Variants in TEAD1 observed in about 807,000 individuals in gnomAD.
TEAD1 encodes TEA domain transcription factor 1, also known as transcriptional enhancer factor TEF-1.
A neutral mutation model predicts 54.9 loss-of-function variants in TEAD1; 9 were observed. The observed-to-expected ratio is 0.16, with a 90% CI of 0.10 to 0.29. The LOEUF is 0.29. Ranked by LOEUF, TEAD1 falls within the 10% of genes least tolerant of loss-of-function variation. The pLI is 1.00. For synonymous variants in TEAD1, 200 were observed against 187.8 expected (o/e 1.07, Z -0.53); for missense variants, 387 against 535.9 (o/e 0.72, Z 2.74).
intron 2 of TEAD1, among the ~76,000 whole-genome samples, chr11:12,749,005 G>C (rs766624670): frequency 6.6e-6 from 1 of 152,156 alleles, no homozygotes; most frequent in African/African-American, 2.4e-5. Context: ...GAGAGGAGGC[G>C]GTGGGATTCT....
At chr11:12,712,912 C>A (rs896219920) in intron 2 of TEAD1, among the ~76,000 whole-genome samples, 1 of 152,142 alleles carries the variant, frequency 6.6e-6, no homozygotes, top group African/African-American at 2.4e-5. Context: ...CAAGTTTAGA[C>A]CCAAGCTAAG....
chr11:12,810,235 T>G (rs1946272583), intron 3 of TEAD1, among the ~76,000 whole-genome samples: 1 of 151,992 alleles, frequency 6.6e-6, no homozygotes, highest in Non-Finnish European at 1.5e-5. Context: ...CACCTCAACC[T>G]CCCAAAGTGC....
intron 5 of TEAD1, among the ~76,000 whole-genome samples, chr11:12,872,221 G>A (rs1947762306): frequency 6.6e-6 from 1 of 152,212 alleles, no homozygotes; most frequent in African/African-American, 2.4e-5. Context: ...TGTCCACAGG[G>A]AAGGTAGACG....
chr11:12,868,603 A>G (rs956590041), intron 5 of TEAD1, among the ~76,000 whole-genome samples: 1 of 152,234 alleles, frequency 6.6e-6, no homozygotes, highest in Non-Finnish European at 1.5e-5. Flanking sequence ...GTTGTTCTCA[A>G]TGTGCTTGTT....
At chr11:12,767,883 CTT>C (rs1330926426) in intron 3 of TEAD1, among the ~76,000 whole-genome samples, 3 of 152,274 alleles carry the variant, frequency 2.0e-5, no homozygotes, top group South Asian at 2.1e-4. Context: ...ACGTGTGACT[CTT>C]TTCCTGGTAG....
At chr11:12,846,559 G>A (rs1947157079) in intron 3 of TEAD1, among the ~76,000 whole-genome samples, 1 of 152,022 alleles carries the variant, frequency 6.6e-6, no homozygotes, top group Non-Finnish European at 1.5e-5. Flanking sequence ...AGATAAAGCT[G>A]TGTTGACTGT....
At chr11:12,742,546 T>C (rs1393044671) in intron 2 of TEAD1, among the ~76,000 whole-genome samples, 1 of 152,142 alleles carries the variant, frequency 6.6e-6, no homozygotes, top group Non-Finnish European at 1.5e-5. Context: ...ATAATTATGG[T>C]ATATTTCAAA....
chr11:12,927,449 C>T (rs1948923507), intron 11 of TEAD1, among the ~76,000 whole-genome samples: 1 of 152,138 alleles, frequency 6.6e-6, no homozygotes, highest in Admixed American at 6.5e-5. Flanking sequence ...ATTACAGTGG[C>T]TTTATAGTAT....
chr11:12,884,909 A>G (rs962592585), intron 9 of TEAD1, among the ~76,000 whole-genome samples: 1 of 152,178 alleles, frequency 6.6e-6, no homozygotes, highest in Non-Finnish European at 1.5e-5. Flanking sequence ...GGAAGCATAC[A>G]TAGTTCTTTG....
intron 2 of TEAD1, among the ~76,000 whole-genome samples, chr11:12,742,887 C>A (rs73423611): frequency 6.6e-6 from 1 of 152,166 alleles, no homozygotes; most frequent in Admixed American, 6.5e-5. Context: ...AGCTCAGCCT[C>A]CAGCTCTTAT....
At chr11:12,736,843 GA>G (rs1409782050) in intron 2 of TEAD1, among the ~76,000 whole-genome samples, 3 of 152,102 alleles carry the variant, frequency 2.0e-5, no homozygotes, top group East Asian at 3.8e-4. Context: ...ATCTCCTTTT[GA>G]AAAGTGCCTT....
intron 3 of TEAD1, among the ~76,000 whole-genome samples, chr11:12,849,954 A>G (rs1248667460): frequency 6.6e-6 from 1 of 152,252 alleles, no homozygotes; most frequent in Non-Finnish European, 1.5e-5. Flanking sequence ...TGAAAATTGA[A>G]GAAGATACAA....
rs111396670 is a variant in TEAD1 at position 12,733,902 on chromosome 11, G to A, written c.-54-30277G>A. ...CTAATGTGTTTGCTTGTGTCTTTGT[G>A]TGTGCGTGGGTTCCCCACCTCCCCC... On this transcript the variant is annotated intron_variant, in intron 2 of 12. Transcript: ENST00000527636. Among the ~76,000 whole-genome samples the A allele has an allele frequency of 5.9e-5, 9 of 152,320 alleles. 2 individuals are homozygous for A. Among genetic ancestry groups the A allele is most frequent in the African/African-American group, 2.2e-4 (9 of 41,570 alleles).
At chr11:12,879,971 CAACTGAT>C in intron 6 of TEAD1, 129 bp downstream of exon 6, 1 of 1,362,210 alleles carries the variant, frequency 7.3e-7, no homozygotes, top group South Asian at 1.2e-5. Flanking sequence ...GCTACCTTGT[CAACTGAT>C]AACTGAGTCT....
At chr11:12,898,146 C>T (rs948316705) in intron 9 of TEAD1, among the ~76,000 whole-genome samples, 9 of 152,202 alleles carry the variant, frequency 5.9e-5, no homozygotes, top group African/African-American at 1.9e-4. Flanking sequence ...TTCCTTCCTT[C>T]CTTCAGGCAC....
rs1276093970 is a variant in TEAD1, at chr11:12,879,174, G to T, written c.331-534G>T. On this transcript the variant is annotated intron_variant, in intron 5 of 12. Transcript: ENST00000527636. ...CCCCCGCTGCTTCTGAGCCTCTCCA[G>T]CCAGGTGTCTGCAGGGCTTCCAGGC... Among the ~76,000 whole-genome samples the T allele has an allele frequency of 5.3e-5, 8 of 152,266 alleles. No individual in the cohort carries two copies. In the East Asian group the frequency reaches 1.5e-3, roughly 29 times the overall value.
At position 12,686,205 on chromosome 11, in the gene TEAD1, T is replaced by C. The variant is rs114364843; in HGVS notation, c.-55+10644T>C. Among the ~76,000 whole-genome samples, 319 of 152,298 alleles carry C rather than the reference T, an allele frequency of 2.1e-3. 1 individual carries two copies. Among genetic ancestry groups the C allele is most frequent in the African/African-American group, 7.0e-3 (291 of 41,546 alleles). Reference sequence around the variant, plus strand: ...ATAAATTATATGCCTATGGTACTAATAGGAAATTGTCAGGGAAACTGGCAG... The same window carrying C: ...ATAAATTATATGCCTATGGTACTAACAGGAAATTGTCAGGGAAACTGGCAG... On this transcript the variant is annotated intron_variant, in intron 2 of 12. Transcript: ENST00000527636.
In TEAD1 at chr11:12,881,936, G is replaced by C; in HGVS notation, c.553G>C (p.Ala185Pro). Reference sequence around the variant, plus strand: ...GCAGCAGGCCTACCCCATCCAGCCAGCGGTCACAGCCCCCATTCCAGGTGA... The same window carrying C: ...GCAGCAGGCCTACCCCATCCAGCCACCGGTCACAGCCCCCATTCCAGGTGA... The change falls in exon 8 of 13, where the codon GCG becomes CCG. Residue 185 changes from alanine to proline, a missense_variant. Physicochemically the swap from Ala to Pro is conservative, Grantham distance 27. This residue lies in a region of TEAD1 where 180 missense variants were observed against 180.6 expected (regional missense o/e 1.00). Transcript: ENST00000527636. The C allele has an allele frequency of 6.2e-7, 1 of 1,614,200 alleles. No homozygotes were observed. Among genetic ancestry groups the C allele is most frequent in the Non-Finnish European group, 8.5e-7 (1 of 1,180,026 alleles).
intron 3 of TEAD1, among the ~76,000 whole-genome samples, chr11:12,854,768 T>C (rs1947339255): frequency 6.6e-6 from 1 of 151,234 alleles, no homozygotes; most frequent in Non-Finnish European, 1.5e-5. Context: ...ATTTTTTTTT[T>C]TTTTTTTTTT....
Sources: allele counts gnomAD v4.1 joint callset (sites outside exome capture counted in the v4.1 genomes callset), GRCh38; gene constraint gnomAD v4.1.1; regional missense constraint gnomAD v4.1.1; transcripts MANE v1.5; gene names NCBI Gene and HGNC (gene_info 2026-07-23, HGNC 2026-07-21).